FERMT2: variants seen among roughly 807,000 people sequenced by gnomAD.
FERMT2 encodes FERM domain containing kindlin 2.
Under a neutral mutation model 82.7 loss-of-function variants are expected in FERMT2, and 15 were observed. The ratio of observed to expected loss-of-function variants is 0.18; its 90% confidence interval spans 0.12 to 0.28. The LOEUF (loss-of-function observed/expected upper bound fraction) is 0.28. Among genes scored for constraint, FERMT2 ranks in the 10% least tolerant of loss-of-function variants. The pLI is 1.00. For missense variants in FERMT2, 645 were observed against 809.4 expected (o/e 0.80, Z 2.46); for synonymous variants, 274 against 271.5 (o/e 1.01, Z -0.09).
chr14:52,905,020 T>C, intron 3 of FERMT2, among the ~76,000 whole-genome samples: 1 of 151,554 alleles, frequency 6.6e-6, no homozygotes, highest in East Asian at 2.0e-4. Context: ...TGAAACCTCA[T>C]CTCTACTAAA....
intron 3 of FERMT2, among the ~76,000 whole-genome samples, chr14:52,909,962 A>G (rs1888221878): frequency 1.3e-5 from 2 of 152,182 alleles, no homozygotes; most frequent in African/African-American, 4.8e-5. Context: ...CTGAGGCAGG[A>G]GAATCGCTTG....
At chr14:52,895,302 A>G (rs1374376255) in intron 3 of FERMT2, among the ~76,000 whole-genome samples, 1 of 152,228 alleles carries the variant, frequency 6.6e-6, no homozygotes, top group East Asian at 1.9e-4. Context: ...ACAGCTCAGC[A>G]ATTCTGTATA....
intron 3 of FERMT2, among the ~76,000 whole-genome samples, chr14:52,897,705 G>A (rs1334803900): frequency 6.6e-6 from 1 of 152,058 alleles, no homozygotes; most frequent in Non-Finnish European, 1.5e-5. Context: ...GGCCAGGCAC[G>A]ACGGCTCACG....
intron 3 of FERMT2, among the ~76,000 whole-genome samples, chr14:52,912,384 G>C (rs1888368128): frequency 6.6e-6 from 1 of 151,964 alleles, no homozygotes; most frequent in Admixed American, 6.6e-5. Flanking sequence ...AAAATATTAT[G>C]TAAATTTCTA....
At chr14:52,929,297 C>T (rs1259492482) in intron 2 of FERMT2, among the ~76,000 whole-genome samples, 1 of 152,166 alleles carries the variant, frequency 6.6e-6, no homozygotes, top group Non-Finnish European at 1.5e-5. Flanking sequence ...ACTGGCACCA[C>T]CCTATTTCAA....
intron 3 of FERMT2, among the ~76,000 whole-genome samples, chr14:52,908,393 T>C (rs1195102979): frequency 1.3e-5 from 2 of 152,142 alleles, no homozygotes; most frequent in Non-Finnish European, 2.9e-5. Context: ...CATAGAAGCT[T>C]TTTTTTAAAA....
intron 4 of FERMT2, among the ~76,000 whole-genome samples, chr14:52,888,758 C>T (rs938083875): frequency 6.6e-6 from 1 of 152,206 alleles, no homozygotes. Context: ...CTTATAGAAA[C>T]ATTCAGCGTT....
chr14:52,902,887 AAAAAC>A (rs1182515775), intron 3 of FERMT2, among the ~76,000 whole-genome samples: 15 of 139,522 alleles, frequency 1.1e-4, no homozygotes, highest in East Asian at 5.1e-4. Flanking sequence ...AAAAAAAAAA[AAAAAC>A]CCCAAAACAC....
chr14:52,860,574 T>C (rs763207056), intron 12 of FERMT2, 109 bp from the exon 13 acceptor site: 4 of 875,112 alleles, frequency 4.6e-6, no homozygotes, highest in South Asian at 1.9e-5. Flanking sequence ...CAAAATCATA[T>C]TGTAAGAGTT....
intron 3 of FERMT2, among the ~76,000 whole-genome samples, chr14:52,913,124 C>T (rs8007536): frequency 0.15 from 22,090 of 152,004 alleles, 1,781 homozygotes; most frequent in African/African-American, 0.22. Flanking sequence ...AAGAACACAA[C>T]TGGGGATAAA....
chr14:52,893,669 A>G (rs1477952295), intron 3 of FERMT2, among the ~76,000 whole-genome samples: 2 of 152,192 alleles, frequency 1.3e-5, no homozygotes, highest in Non-Finnish European at 2.9e-5. Context: ...TAGGGTACGG[A>G]AAGAAAATAT....
In FERMT2 at chr14:52,934,163, A is replaced by G. The variant is rs191339227; in HGVS notation, c.158-14807T>C. Among the ~76,000 whole-genome samples the G allele has an allele frequency of 1.3e-3, 205 of 152,380 alleles. 1 individual carries two copies. The highest frequency in any genetic ancestry group is 4.6e-3 in the African/African-American group (190 of 41,598). On this transcript the variant is annotated intron_variant, in intron 2 of 14. Coordinates refer to ENST00000341590, the MANE Select transcript of FERMT2 (RefSeq NM_006832.3). Reference sequence around the variant, plus strand: ...ATAAACTACTACTTGTAATATACAAATATTTGTAATATACAGGCAGCATGT... The same window carrying G: ...ATAAACTACTACTTGTAATATACAAGTATTTGTAATATACAGGCAGCATGT...
intron 2 of FERMT2, among the ~76,000 whole-genome samples, chr14:52,937,084 C>T (rs950684265): frequency 1.3e-5 from 2 of 152,030 alleles, no homozygotes; most frequent in African/African-American, 2.4e-5. Flanking sequence ...ATTGCTTGAA[C>T]CCTGGAGGTG....
chr14:52,859,319 T>C (rs1466349277), intron 14 of FERMT2: 9 of 352,956 alleles, frequency 2.5e-5, no homozygotes, highest in Non-Finnish European at 4.6e-5. Context: ...TATTTCAGAG[T>C]AGATCGGCTT....
chr14:52,901,367 T>C (rs1232972034), intron 3 of FERMT2, among the ~76,000 whole-genome samples: 1 of 149,808 alleles, frequency 6.7e-6, no homozygotes, highest in Non-Finnish European at 1.5e-5. Flanking sequence ...GCTTCTGGGG[T>C]GGGCAGAATA....
chr14:52,909,224 T>C, intron 3 of FERMT2, among the ~76,000 whole-genome samples: 1 of 152,192 alleles, frequency 6.6e-6, no homozygotes, highest in East Asian at 1.9e-4. Flanking sequence ...TTCCTTTGAA[T>C]GTCACATTGG....
At chr14:52,950,308 A>G (rs1595035733) in intron 2 of FERMT2, 104 bp downstream of exon 2, 1 of 1,156,142 alleles carries the variant, frequency 8.6e-7, no homozygotes, top group Admixed American at 2.1e-5. Context: ...CATTTGCGAG[A>G]TGCCAAGATT....
chr14:52,938,113 G>A (rs1192257437), intron 2 of FERMT2, among the ~76,000 whole-genome samples: 1 of 152,176 alleles, frequency 6.6e-6, no homozygotes, highest in East Asian at 1.9e-4. Context: ...AAGTACTGAA[G>A]CTGGTATTCA....
At chr14:52,912,520 T>C (rs890075722) in intron 3 of FERMT2, among the ~76,000 whole-genome samples, 3 of 151,644 alleles carry the variant, frequency 2.0e-5, no homozygotes, top group African/African-American at 7.3e-5. Context: ...ACTTTTTTTT[T>C]TTTTTTTTGA....
Sources: gnomAD v4.1 joint callset for allele counts (sites outside exome capture counted in the v4.1 genomes callset) on GRCh38, gnomAD v4.1.1 for gene constraint, MANE v1.5 for transcripts, NCBI Gene and HGNC (gene_info 2026-07-23, HGNC 2026-07-21) for gene names.